IGF2BP1: variants seen among roughly 807,000 people sequenced by gnomAD.
The protein encoded by IGF2BP1 is insulin-like growth factor 2 mRNA-binding protein 1.
In IGF2BP1, 11 loss-of-function variants were observed where a neutral mutation model predicts 74.9. The ratio of observed to expected loss-of-function variants is 0.15; its 90% confidence interval spans 0.09 to 0.24. The LOEUF is 0.24. Among genes scored for constraint, IGF2BP1 ranks in the 10% least tolerant of loss-of-function variants. The pLI is 1.00. For synonymous variants in IGF2BP1, 287 were observed against 281.8 expected (o/e 1.02, Z -0.18); for missense variants, 440 against 757.4 (o/e 0.58, Z 4.92).
chr17:49,047,528 A>G (rs1398804523), intron 14 of IGF2BP1, among the ~76,000 whole-genome samples: 3 of 151,256 alleles, frequency 2.0e-5, no homozygotes, highest in Admixed American at 1.3e-4. Flanking sequence ...TTTTTTTTTT[A>G]AAGAGAGTAA....
chr17:49,005,204 T>C (rs2041536457), intron 2 of IGF2BP1, among the ~76,000 whole-genome samples: 1 of 152,216 alleles, frequency 6.6e-6, no homozygotes. Context: ...AAAATATATG[T>C]TGATTACAGG....
intron 2 of IGF2BP1, among the ~76,000 whole-genome samples, chr17:49,019,624 C>A (rs1022575221): frequency 2.7e-5 from 4 of 148,098 alleles, no homozygotes; most frequent in African/African-American, 1.1e-4. Context: ...TGAAGCAAAT[C>A]TTAGACATGT....
intron 4 of IGF2BP1, 110 bp downstream of exon 4, chr17:49,026,627 TCCTTCCTG>T (rs1217323435): frequency 6.4e-6 from 3 of 468,830 alleles, no homozygotes; most frequent in Non-Finnish European, 1.1e-5. Flanking sequence ...CTTCCTTCCT[TCCTTCCTG>T]CCTTCCTTCC....
rs184030083 is a variant in IGF2BP1 at position 49,003,822 on chromosome 17, G to C, written c.236+4653G>C. On this transcript the variant is annotated intron_variant, in intron 2 of 14. Coordinates refer to ENST00000290341, the MANE Select transcript of IGF2BP1 (RefSeq NM_006546.4). ...GGGAGGGAGGGGAGATACGGGGTTGGGTGGATTTCCCGCTTCCCTTTTAAA... is the reference window on the plus strand; with the variant it reads ...GGGAGGGAGGGGAGATACGGGGTTGCGTGGATTTCCCGCTTCCCTTTTAAA... Among the ~76,000 whole-genome samples, 651 of 150,706 alleles carry C rather than the reference G, an allele frequency of 4.3e-3. 9 individuals are homozygous for C. The highest frequency in any genetic ancestry group is 0.015 in the African/African-American group (625 of 40,876).
At position 49,023,920 on chromosome 17, in the gene IGF2BP1, C is replaced by CT. The variant is rs34560426; in HGVS notation, c.237-1682dup. Among the ~76,000 whole-genome samples the CT allele has an allele frequency of 4.7e-3, 655 of 138,388 alleles. 2 individuals carry two copies. The highest frequency in any genetic ancestry group is 0.019 in the Middle Eastern group (5 of 266). The allele number at this position is 138,388 out of a possible 152,430, so 90.8% of individuals were successfully genotyped here. ...GAAAGCCTTCCTCAGGGAAAACTAC[C>CT]TTTTTTTTTTTTTTTTAAACAAGTC... On this transcript the variant is annotated intron_variant, in intron 2 of 14. Transcript: ENST00000290341.
At position 49,055,152 on chromosome 17, in the gene IGF2BP1, A is replaced by G. The variant is rs376303747; in HGVS notation, c.*5708A>G. On this transcript the variant is annotated 3_prime_UTR_variant, in exon 15 of 15. Coordinates refer to ENST00000290341, the MANE Select transcript of IGF2BP1 (RefSeq NM_006546.4). ...TCCAAAAAATAAAATTAAAAAAAAA[A>G]AAACCAAAAAAAAAAATTTTTTTTT... 9.6e-6 allele frequency: 1 copy of G among 104,288 alleles called. No individual in the cohort carries two copies. Among genetic ancestry groups the G allele is most frequent in the African/African-American group, 4.6e-5 (1 of 21,830 alleles). The allele number at this position is 104,288 out of a possible 1,614,324, so 6.5% of individuals were successfully genotyped here.
In IGF2BP1 at chr17:48,999,923, G is replaced by GGTGTGTGTGTGTGTGTGT. The variant is rs371605973; in HGVS notation, c.236+777_236+794dup. 1.8e-3 allele frequency among the ~76,000 whole-genome samples: 244 copies of GGTGTGTGTGTGTGTGTGT among 134,094 alleles called. 2 individuals carry two copies. The highest frequency in any genetic ancestry group is 8.9e-3 in the East Asian group (39 of 4,388). 88.0% of individuals were successfully genotyped at this position (134,094 alleles called of 152,430 possible). On this transcript the variant is annotated intron_variant, in intron 2 of 14. Coordinates refer to ENST00000290341, the MANE Select transcript of IGF2BP1 (RefSeq NM_006546.4). ...AGGGTCTAGAACTCCGTGGATGAATGGTGTGTGTGTGTGTGTGTGTGTGTG... is the reference window on the plus strand; with the variant it reads ...AGGGTCTAGAACTCCGTGGATGAATGGTGTGTGTGTGTGTGTGTGTGTGTGTGTGTGTGTGTGTGTGTG...
Position 49,025,603 on chromosome 17 carries a change from C to T in IGF2BP1, c.237-15C>T, listed in dbSNP as rs200796310. On this transcript the variant is annotated splice_polypyrimidine_tract_variant and intron_variant, in intron 2 of 14. Transcript: ENST00000290341. ...TTCAGAGCTTTCTTTAACTCTGCTCCCCCTTTACTTTCAGGAGCCGGAAAA... is the reference window on the plus strand; with the variant it reads ...TTCAGAGCTTTCTTTAACTCTGCTCTCCCTTTACTTTCAGGAGCCGGAAAA... 17 of 1,611,570 alleles carry T rather than the reference C, an allele frequency of 1.1e-5. No homozygotes were observed. The highest frequency in any genetic ancestry group is 1.8e-4 in the Middle Eastern group (1 of 5,530).
intron 3 of IGF2BP1, 61 bp downstream of exon 3, chr17:49,025,727 G>T: frequency 6.7e-7 from 1 of 1,494,960 alleles, no homozygotes; most frequent in Non-Finnish European, 9.3e-7. Flanking sequence ...AGTACGTCTG[G>T]ACTAGCTGGA....
chr17:49,030,725 C>A (rs1447218518), intron 4 of IGF2BP1, among the ~76,000 whole-genome samples: 1 of 151,780 alleles, frequency 6.6e-6, no homozygotes, highest in Admixed American at 6.6e-5. Context: ...GTCCCGGGTT[C>A]AAGCGATTCT....
At chr17:48,999,086 A>G (rs1269804932) in intron 1 of IGF2BP1, 23 bp from the exon 2 acceptor site, 2 of 1,320,362 alleles carry the variant, frequency 1.5e-6, no homozygotes, top group Non-Finnish European at 2.2e-6. Flanking sequence ...CTCTCATGGT[A>G]ATTTTTTTTT....
Position 49,052,417 on chromosome 17 carries a change from C to T in IGF2BP1, c.*2973C>T, listed in dbSNP as rs2042177847. Reference sequence around the variant, plus strand: ...TGCAGTGTTCAGTTTCCTTGGGGGCCTGCTCCCTTCACACCTTGAGCCCAA... The same window carrying T: ...TGCAGTGTTCAGTTTCCTTGGGGGCTTGCTCCCTTCACACCTTGAGCCCAA... On this transcript the variant is annotated 3_prime_UTR_variant, in exon 15 of 15. Transcript: ENST00000290341. 6.6e-6 allele frequency: 1 copy of T among 152,198 alleles called. No homozygotes were observed. Among genetic ancestry groups the T allele is most frequent in the African/African-American group, 2.4e-5 (1 of 41,446 alleles). The allele number at this position is 152,198 out of a possible 1,614,324, so 9.4% of individuals were successfully genotyped here.
chr17:48,997,669 T>C lies in IGF2BP1; in HGVS notation c.-77T>C, dbSNP rs2143893217. 6.7e-7 allele frequency: 1 copy of C among 1,493,438 alleles called. No homozygotes were observed. Among genetic ancestry groups the C allele is most frequent in the Admixed American group, 1.9e-5 (1 of 51,820 alleles). 92.5% of individuals were successfully genotyped at this position (1,493,438 alleles called of 1,614,324 possible). On this transcript the variant is annotated 5_prime_UTR_variant, in exon 1 of 15. Transcript: ENST00000290341. The surrounding 1 kb of genome is among the most constrained non-coding windows in gnomAD (Gnocchi z 4.8). ...CTCCTGCCGCCGGCCTCTCCGCCTC[T>C]TGGCCTAGGAGGCTCGCCGCCCGCG...
At chr17:49,046,567 T>C (rs897154005) in intron 14 of IGF2BP1, among the ~76,000 whole-genome samples, 194 bp downstream of exon 14, 8 of 151,796 alleles carry the variant, frequency 5.3e-5, no homozygotes, top group Non-Finnish European at 8.8e-5. Context: ...TTACCTCTTA[T>C]TACTCTCTAG....
intron 2 of IGF2BP1, among the ~76,000 whole-genome samples, chr17:49,017,427 A>G (rs756708365): frequency 3.9e-5 from 6 of 152,092 alleles, no homozygotes; most frequent in Non-Finnish European, 5.9e-5. Flanking sequence ...GTAAGTTTCT[A>G]TTTTCTACGA....
chr17:49,019,953 T>TACAC (rs1257756269), intron 2 of IGF2BP1, among the ~76,000 whole-genome samples: 6 of 40,088 alleles, frequency 1.5e-4, no homozygotes, highest in African/African-American at 9.2e-4. Flanking sequence ...TATATATTTA[T>TACAC]ATACACACAC....
At chr17:48,999,245 G>T (rs2041454069) in intron 2 of IGF2BP1, 76 bp downstream of exon 2, 1 of 884,548 alleles carries the variant, frequency 1.1e-6, no homozygotes, top group Non-Finnish European at 1.9e-6. Context: ...GGGGTCCATA[G>T]CGTCTCCAGT....
chr17:49,008,566 C>G (rs770068248), intron 2 of IGF2BP1, among the ~76,000 whole-genome samples: 1 of 152,144 alleles, frequency 6.6e-6, no homozygotes. Context: ...CTTTGTTCCA[C>G]TCTTCTACCC....
chr17:49,008,197 A>G (rs1241428771), intron 2 of IGF2BP1, among the ~76,000 whole-genome samples: 1 of 151,934 alleles, frequency 6.6e-6, no homozygotes, highest in African/African-American at 2.4e-5. Flanking sequence ...AAGTAAATAA[A>G]TTGAAGGGCA....
Sources: gnomAD v4.1 joint callset for allele counts (sites outside exome capture counted in the v4.1 genomes callset) on GRCh38, gnomAD v4.1.1 for gene constraint, Gnocchi (gnomAD v3.1) non-coding constraint, MANE v1.5 for transcripts, NCBI Gene and HGNC (gene_info 2026-07-23, HGNC 2026-07-21) for gene names.